Variants in E2F2 observed in about 807,000 individuals in gnomAD.
E2F2 encodes the protein E2F transcription factor 2, also known as transcription factor E2F2.
A neutral mutation model predicts 42.2 loss-of-function variants in E2F2; 22 were observed. The observed-to-expected ratio is 0.52, with a 90% CI of 0.37 to 0.74. The LOEUF is 0.74. Ranked by LOEUF, E2F2 falls within the 30% of genes least tolerant of loss-of-function variation. The pLI is 0.00. For synonymous variants in E2F2, 248 were observed against 251.6 expected, an observed-to-expected ratio of 0.99 and a Z score of 0.13; for missense variants, 481 against 557.8, an observed-to-expected ratio of 0.86 and a Z score of 1.39.
At chr1:23,520,269 A>G (rs1002770551) in intron 4 of E2F2, among the ~76,000 whole-genome samples, 3 of 130,804 alleles carry the variant, frequency 2.3e-5, no homozygotes, top group Non-Finnish European at 5.1e-5. Context: ...AAAAAAAAAA[A>G]AAAAAAAAGC....
chr1:23,518,619 G>A (rs761177497), intron 5 of E2F2, among the ~76,000 whole-genome samples: 1 of 152,134 alleles, frequency 6.6e-6, no homozygotes, highest in African/African-American at 2.4e-5. Flanking sequence ...GGTTGGCAAC[G>A]TCAGCTGGGG....
rs1037066029 is a variant in E2F2 at position 23,506,949 on chromosome 1, A to G, written c.*2931T>C. 5 of 152,258 alleles carry G rather than the reference A, an allele frequency of 3.3e-5. No individual in the cohort carries two copies. The highest frequency in any genetic ancestry group is 9.7e-5 in the African/African-American group (4 of 41,430). 9.4% of individuals were successfully genotyped at this position (152,258 alleles called of 1,614,324 possible). ...CCCTGAAGGCACACCAGCCGATCCCATTACTGTGGAAAAGGGACACCCTCT... is the reference window on the plus strand; with the variant it reads ...CCCTGAAGGCACACCAGCCGATCCCGTTACTGTGGAAAAGGGACACCCTCT... On this transcript the variant is annotated 3_prime_UTR_variant, in exon 7 of 7. Coordinates refer to ENST00000361729, the MANE Select transcript of E2F2 (RefSeq NM_004091.4).
chr1:23,506,122 A>G (rs190781747), downstream of E2F2, among the ~76,000 whole-genome samples: 1 of 152,282 alleles, frequency 6.6e-6, no homozygotes, highest in Non-Finnish European at 1.5e-5. Flanking sequence ...TCTGAGGACT[A>G]CAGTTGGACC....
In E2F2 at chr1:23,510,165, A is replaced by AG; in HGVS notation, c.1046-18_1046-17insC. On this transcript the variant is annotated splice_polypyrimidine_tract_variant and intron_variant, in intron 6 of 6. Transcript: ENST00000361729. Reference sequence around the variant, plus strand: ...GTGCTGGCACTGGAGACAAACAGACAAAGGTTACGCCTGGCCCTAGCATCC... The same window carrying AG: ...GTGCTGGCACTGGAGACAAACAGACAGAAGGTTACGCCTGGCCCTAGCATCC... 1 of 1,575,786 alleles carries AG rather than the reference A, an allele frequency of 6.3e-7. No homozygotes were observed. The highest frequency in any genetic ancestry group is 8.6e-7 in the Non-Finnish European group (1 of 1,160,774).
rs1259143614 is a variant in E2F2, at chr1:23,510,103, G to T, written c.1091C>A (p.Ser364Tyr). 1.9e-6 allele frequency: 3 copies of T among 1,605,460 alleles called. No individual in the cohort carries two copies. The East Asian group carries it at 6.7e-5, about 36-fold the overall frequency. Residue 364 changes from serine to tyrosine, a missense_variant, in exon 7 of 7, where the codon TCC becomes TAC. Physicochemically the swap from Ser to Tyr is moderately radical, Grantham distance 144. Coordinates refer to ENST00000361729, the MANE Select transcript of E2F2 (RefSeq NM_004091.4). ...GTCAGTAGCCTCCAAGGGGACCAGG[G>T]ATGGAGGCGGTGGGGCCTGCTGGGG... is the stretch of plus-strand genomic sequence containing the variant. ...PTPQQAPPPP[S>Y]LVPLEATDSL... is the part of the protein sequence containing the mutation.
intron 3 of E2F2, chr1:23,521,600 C>T (rs1321262880): frequency 6.1e-6 from 6 of 983,986 alleles, no homozygotes; most frequent in African/African-American, 1.8e-5. Context: ...CACTCTGCCC[C>T]GCATCACGTT....
intron 6 of E2F2, among the ~76,000 whole-genome samples, chr1:23,511,293 A>T (rs1416957499): frequency 6.6e-6 from 1 of 151,480 alleles, no homozygotes; most frequent in Non-Finnish European, 1.5e-5. Flanking sequence ...AGAGTGCAGT[A>T]GGGTGAACAC....
chr1:23,521,288 G>A (rs189154116), intron 3 of E2F2, among the ~76,000 whole-genome samples: 225 of 152,218 alleles, frequency 1.5e-3, no homozygotes, highest in African/African-American at 4.3e-3. Flanking sequence ...AGGGGCTCTC[G>A]ACTCTGTTCA....
At chr1:23,524,523 A>C (rs1214186350) in intron 1 of E2F2, 35 bp from the exon 2 acceptor site, 1 of 1,596,834 alleles carries the variant, frequency 6.3e-7, no homozygotes, top group African/African-American at 1.3e-5. Flanking sequence ...GCAGAGTTTG[A>C]GAATCATTCC....
intron 6 of E2F2, among the ~76,000 whole-genome samples, chr1:23,513,575 T>TGG (rs1217260538): frequency 2.8e-5 from 4 of 142,838 alleles, no homozygotes; most frequent in African/African-American, 1.1e-4. Context: ...TGTGTGTGTG[T>TGG]GTGTGTGTGT....
At chr1:23,516,201 A>T in intron 6 of E2F2, 134 bp downstream of exon 6, 1 of 1,209,528 alleles carries the variant, frequency 8.3e-7, no homozygotes, top group Non-Finnish European at 1.1e-6. Context: ...AGTACAATGC[A>T]CATGTGTGGG....
In E2F2 at chr1:23,524,101, C is replaced by CAAA. The variant is rs1370410455; in HGVS notation, c.358+281_358+282insTTT. 5.8e-4 allele frequency among the ~76,000 whole-genome samples: 76 copies of CAAA among 132,146 alleles called. 1 individual carries two copies. In the Middle Eastern group the frequency reaches 0.02, roughly 34 times the overall value. 86.7% of individuals were successfully genotyped at this position (132,146 alleles called of 152,430 possible). A position where few individuals can be genotyped will look rare whatever the true frequency, so the allele number is the denominator to read the frequency against. ...ACAACAACAACAACAACAACAACAA[C>CAAA]AACAAAAAAAAACACAGAAGTAATG... On this transcript the variant is annotated intron_variant, in intron 2 of 6. Transcript: ENST00000361729.
intron 1 of E2F2, among the ~76,000 whole-genome samples, chr1:23,525,095 G>T (rs940829084): frequency 4.6e-5 from 7 of 152,222 alleles, no homozygotes; most frequent in Non-Finnish European, 7.3e-5. Context: ...GGGCCCCAGG[G>T]CCTCCTGAAT....
chr1:23,521,171 A>C lies in E2F2; in HGVS notation c.579-100T>G, dbSNP rs2124243202. ...TGAGGGTGCTTCCCTGGGTTGTGGAAATCAGTGGTCATGCCTGTCTCTCAG... is the reference window on the plus strand; with the variant it reads ...TGAGGGTGCTTCCCTGGGTTGTGGACATCAGTGGTCATGCCTGTCTCTCAG... On this transcript the variant is annotated intron_variant, in intron 3 of 6. Transcript: ENST00000361729. 3 of 1,311,656 alleles carry C rather than the reference A, an allele frequency of 2.3e-6. No individual in the cohort carries two copies. In the South Asian group the frequency reaches 5.0e-5, roughly 22 times the overall value. 81.3% of individuals were successfully genotyped at this position (1,311,656 alleles called of 1,614,324 possible).
At position 23,508,808 on chromosome 1, in the gene E2F2, G is replaced by A. The variant is rs1210264532; in HGVS notation, c.*1072C>T. ...AACATGGTGAAAAAATTCCTCCCAGGGAAGCAGAGAATGATGCCAGTGCCA... is the reference window on the plus strand; with the variant it reads ...AACATGGTGAAAAAATTCCTCCCAGAGAAGCAGAGAATGATGCCAGTGCCA... On this transcript the variant is annotated 3_prime_UTR_variant, in exon 7 of 7. Transcript: ENST00000361729. 1 of 152,020 alleles carries A rather than the reference G, an allele frequency of 6.6e-6. No individual in the cohort carries two copies. The highest frequency in any genetic ancestry group is 1.5e-5 in the Non-Finnish European group (1 of 68,090). The allele number at this position is 152,020 out of a possible 1,614,324, so 9.4% of individuals were successfully genotyped here.
intron 2 of E2F2, 118 bp from the exon 3 acceptor site, chr1:23,522,174 A>G (rs1643164401): frequency 2.3e-6 from 2 of 878,902 alleles, no homozygotes; most frequent in Non-Finnish European, 3.5e-6. Flanking sequence ...CAGTTTACAA[A>G]GCAGTGTGAG....
rs777245600 is a variant in E2F2, at chr1:23,510,066, C to T, written c.1128G>A (p.Glu376=). The T allele has an allele frequency of 2.5e-6, 4 of 1,609,842 alleles. No individual in the cohort carries two copies. Among genetic ancestry groups the T allele is most frequent in the Non-Finnish European group, 2.5e-6 (3 of 1,178,818 alleles). Residue 376 remains glutamate, a synonymous_variant, in exon 7 of 7, where the codon GAG becomes GAA. Transcript: ENST00000361729. ...TCTGCTGCAGGAGTGGGTGCGGCAG[C>T]TCCAGCAGGCTGTCAGTAGCCTCCA... ...VPLEATDSLL[E]LPHPLLQQTE... is the part of the protein sequence containing the mutation.
In E2F2 at chr1:23,530,537, A is replaced by G. The variant is rs769505536; in HGVS notation, c.252+5T>C. ...GGGGGAAGCGGTGGGGGCCCCCAGC[A>G]TTACCGGCAGCCGGCCTGCCGGCAG... On this transcript the variant is annotated splice_donor_5th_base_variant and intron_variant, in intron 1 of 6. Transcript: ENST00000361729. This position sits in a 1 kb window ranked among gnomAD's most constrained non-coding sequence, Gnocchi z 4.4. The G allele has an allele frequency of 6.2e-7, 1 of 1,610,810 alleles. No homozygotes were observed. Among genetic ancestry groups the G allele is most frequent in the Non-Finnish European group, 8.5e-7 (1 of 1,178,660 alleles).
intron 2 of E2F2, among the ~76,000 whole-genome samples, chr1:23,524,095 C>CAAAAAAAAAAA (rs1424181672): frequency 8.6e-6 from 1 of 116,634 alleles, no homozygotes; most frequent in Non-Finnish European, 1.6e-5. Context: ...ACAACAACAA[C>CAAAAAAAAAAA]AACAACAACA....
Sources: allele counts gnomAD v4.1 joint callset (sites outside exome capture counted in the v4.1 genomes callset), GRCh38; gene constraint gnomAD v4.1.1; non-coding constraint Gnocchi (gnomAD v3.1); transcripts MANE v1.5; gene names NCBI Gene and HGNC (gene_info 2026-07-23, HGNC 2026-07-21).